The following SLC28A2 variants were observed in gnomAD, a reference collection of about 807,000 sequenced individuals.
SLC28A2 encodes the protein sodium/nucleoside cotransporter 2.
Under a neutral mutation model 72.9 loss-of-function variants are expected in SLC28A2, and 69 were observed. That is an observed-to-expected ratio of 0.95 (90% CI 0.78 to 1.16). The LOEUF is 1.16. Among genes scored for constraint, SLC28A2 ranks in the 50% most tolerant of loss-of-function variants. The pLI is 0.00. For missense variants in SLC28A2, 745 were observed against 791.1 expected, an observed-to-expected ratio of 0.94 and a Z score of 0.70; for synonymous variants, 296 against 294.1, an observed-to-expected ratio of 1.01 and a Z score of -0.07.
intron 3 of SLC28A2, among the ~76,000 whole-genome samples, chr15:45,254,311 G>A (rs577079223): frequency 4.6e-5 from 7 of 152,224 alleles, no homozygotes; most frequent in East Asian, 3.9e-4. Context: ...ATGATGGACC[G>A]CATTATACAA....
In SLC28A2 at chr15:45,275,590, G is replaced by GC. The variant is rs1567064308; in HGVS notation, c.*80dup. ...GCAAAGGTGTTTATGTACTCAGGGTGCCCACAACTCACTCACCAAGATGTT... is the reference window on the plus strand; with the variant it reads ...GCAAAGGTGTTTATGTACTCAGGGTGCCCCACAACTCACTCACCAAGATGTT... On this transcript the variant is annotated 3_prime_UTR_variant, in exon 18 of 18. Transcript: ENST00000347644. The GC allele has an allele frequency of 1.2e-6, 1 of 842,300 alleles. No homozygotes were observed. Among genetic ancestry groups the GC allele is most frequent in the African/African-American group, 1.7e-5 (1 of 58,888 alleles). 52.2% of individuals were successfully genotyped at this position (842,300 alleles called of 1,614,324 possible).
At chr15:45,263,732 G>C (rs1414441916) in intron 5 of SLC28A2, 149 bp from the exon 6 acceptor site, 5 of 640,726 alleles carry the variant, frequency 7.8e-6, no homozygotes, top group Non-Finnish European at 1.3e-5. Flanking sequence ...ATTCTGAACT[G>C]GCGTCTACAG....
rs1307481074 is a variant in SLC28A2 at position 45,267,565 on chromosome 15, C to G, written c.1053C>G (p.Ala351=). ...FATISGTVLG[A]FIAFGVDASS... ...CCATTTCTGGCACTGTGCTGGGAGC[C>G]TTCATAGCCTTTGGGGTAGGCATAG... The change falls in exon 11 of 18, where the codon GCC becomes GCG. Residue 351 remains alanine (A), a synonymous_variant. Coordinates refer to ENST00000347644, the MANE Select transcript of SLC28A2 (RefSeq NM_004212.4). The G allele has an allele frequency of 6.2e-7, 1 of 1,613,992 alleles. No individual in the cohort carries two copies. The highest frequency in any genetic ancestry group is 8.5e-7 in the Non-Finnish European group (1 of 1,180,024).
rs866980004 is a variant in SLC28A2, at chr15:45,272,305, A to G, written c.1659A>G (p.Val553=). 1.9e-6 allele frequency: 3 copies of G among 1,613,508 alleles called. No homozygotes were observed. Among genetic ancestry groups the G allele is most frequent in the Middle Eastern group, 3.3e-4 (2 of 6,062 alleles). The part of the protein sequence containing the change: ...GITLGGLTSI[V]PHRKSDLSKV... ...TTTTATTGTCTGCAGCATCAATAGTACCTCACCGGAAGAGTGACTTGTCCA... is the reference window on the plus strand; with the variant it reads ...TTTTATTGTCTGCAGCATCAATAGTGCCTCACCGGAAGAGTGACTTGTCCA... The change falls in exon 16 of 18, where the codon GTA becomes GTG. Residue 553 remains valine, a synonymous_variant. Coordinates refer to ENST00000347644, the MANE Select transcript of SLC28A2 (RefSeq NM_004212.4).
intron 17 of SLC28A2, among the ~76,000 whole-genome samples, chr15:45,274,817 C>T (rs1205963776): frequency 1.3e-5 from 2 of 151,688 alleles, no homozygotes; most frequent in Admixed American, 1.3e-4. Flanking sequence ...CAATCTTGGC[C>T]CAGGCTCAAG....
Position 45,268,249 on chromosome 15 carries a change from C to T in SLC28A2, c.1239C>T (p.Ala413=), listed in dbSNP as rs369804551. ...TCCTGGAAGCTGCCAGCAACGGAGC[C>T]GTAGATGCCATAGGCCTTGCTACTA... The part of the protein sequence containing the change: ...RNVLEAASNG[A]VDAIGLATNV... Residue 413 remains alanine, a synonymous_variant, in exon 13 of 18, where the codon GCC becomes GCT. Transcript: ENST00000347644. 101 of 1,610,522 alleles carry T rather than the reference C, an allele frequency of 6.3e-5. No homozygotes were observed. The East Asian group carries it at 2.0e-3, about 32-fold the overall frequency.
Position 45,268,242 on chromosome 15 carries a change from A to G in SLC28A2, c.1232A>G (p.Asn411Ser). Reference protein sequence around the residue: ...KERNVLEAASNGAVDAIGLAT... With the variant: ...KERNVLEAASSGAVDAIGLAT... ...AGGAATGTCCTGGAAGCTGCCAGCA[A>G]CGGAGCCGTAGATGCCATAGGCCTT... The change falls in exon 13 of 18, where the codon AAC (asparagine) becomes AGC (serine). Residue 411 changes from asparagine to serine, a missense_variant. Physicochemically the swap from Asn to Ser is conservative, Grantham distance 46 (BLOSUM62 1). Transcript: ENST00000347644. 1.2e-6 allele frequency: 2 copies of G among 1,609,454 alleles called. No individual in the cohort carries two copies. Among genetic ancestry groups the G allele is most frequent in the South Asian group, 1.1e-5 (1 of 90,972 alleles).
In SLC28A2 at chr15:45,263,164, T is replaced by G. The variant is rs1325645639; in HGVS notation, c.366T>G (p.Phe122Leu). The change falls in exon 5 of 18, where the codon TTT becomes TTG. Residue 122 changes from phenylalanine (F) to leucine (L), a missense_variant. Physicochemically the swap from Phe to Leu is conservative, Grantham distance 22 (BLOSUM62 0). Transcript: ENST00000347644. Reference protein sequence around the residue: ...CLVIFVLVHSFLKKLLGKKLT... With the variant: ...CLVIFVLVHSLLKKLLGKKLT... ...TGATCTTTGTCCTGGTTCACTCGTT[T>G]TTGAAAAAGCTCCTGGGCAAAAAAT... is the stretch of plus-strand genomic sequence containing the variant. 1 of 1,614,114 alleles carries G rather than the reference T, an allele frequency of 6.2e-7. No individual in the cohort carries two copies.
chr15:45,265,766 G>A, intron 9 of SLC28A2, 103 bp downstream of exon 9: 1 of 841,370 alleles, frequency 1.2e-6, no homozygotes, highest in Non-Finnish European at 2.0e-6. Flanking sequence ...TAGAAACAAT[G>A]GGAAAAGGCA....
In SLC28A2 at chr15:45,272,384, T is replaced by A; in HGVS notation, c.1738T>A (p.Cys580Ser). 1 of 1,613,128 alleles carries A rather than the reference T, an allele frequency of 6.2e-7. No homozygotes were observed. Among genetic ancestry groups the A allele is most frequent in the Non-Finnish European group, 8.5e-7 (1 of 1,179,274 alleles). ...TGACVSLISA[C>S]MAGILYVPRG... is the part of the protein sequence containing the mutation. ...GGCCTGTGTATCCCTTATCAGTGCC[T>A]GTATGGCAGGTAGGTGCCTCAGCTC... The change falls in exon 16 of 18, where the codon TGT becomes AGT. Residue 580 changes from cysteine (C) to serine (S), a missense_variant. Cys to Ser is a moderately radical substitution (Grantham distance 112). Coordinates refer to ENST00000347644, the MANE Select transcript of SLC28A2 (RefSeq NM_004212.4).
chr15:45,268,331 C>T lies in SLC28A2; in HGVS notation c.1321C>T (p.Leu441Phe). The change falls in exon 13 of 18, where the codon CTC (leucine) becomes TTC (phenylalanine). Residue 441 changes from leucine to phenylalanine, a missense_variant. Coordinates refer to ENST00000347644, the MANE Select transcript of SLC28A2 (RefSeq NM_004212.4). ...TGTGTTGGCCTTCATCAATGCTGCC[C>T]TCTCCTGGCTGGGGGAATTGGTGGA... ...LAVLAFINAA[L>F]SWLGELVDIQ... 1 of 1,608,104 alleles carries T rather than the reference C, an allele frequency of 6.2e-7. No homozygotes were observed.
intron 5 of SLC28A2, 34 bp downstream of exon 5, chr15:45,263,278 C>T (rs965767056): frequency 1.9e-6 from 3 of 1,597,338 alleles, no homozygotes; most frequent in Non-Finnish European, 8.5e-7. Context: ...GGCCTCACAG[C>T]TTATCCCAGC....
At position 45,269,535 on chromosome 15, in the gene SLC28A2, TGTAA is replaced by T; in HGVS notation, c.1566+3_1566+6del. On this transcript the variant is annotated splice_donor_variant and splice_donor_region_variant and intron_variant, in intron 14 of 17. Coordinates refer to ENST00000347644, the MANE Select transcript of SLC28A2 (RefSeq NM_004212.4). LOFTEE classifies it high-confidence loss of function. ...TTGAGGGAGAGAAACAGTGGATTTC[TGTAA>T]GTGACAATCCAAAAAGCATAAACAC... The T allele has an allele frequency of 6.2e-7, 1 of 1,612,682 alleles. No homozygotes were observed. Among genetic ancestry groups the T allele is most frequent in the Middle Eastern group, 1.7e-4 (1 of 6,060 alleles).
At chr15:45,264,833 A>G (rs571979155) in intron 7 of SLC28A2, 65 bp downstream of exon 7, 4 of 1,006,094 alleles carry the variant, frequency 4.0e-6, no homozygotes, top group Non-Finnish European at 6.4e-6. Context: ...ATTTGAGAGG[A>G]GCATGAGAAG....
chr15:45,265,198 T>A lies in SLC28A2; in HGVS notation c.780+32T>A, dbSNP rs768607276. 3.0e-6 allele frequency: 4 copies of A among 1,345,586 alleles called. No individual in the cohort carries two copies. In the Admixed American group the frequency reaches 6.7e-5, roughly 23 times the overall value. The allele number at this position is 1,345,586 out of a possible 1,614,324, so 83.4% of individuals were successfully genotyped here. ...CCTATTTTATGGGCAGGAATGATGG[T>A]CTATGGAGGGGTAGAGGAATAAAGC... On this transcript the variant is annotated intron_variant, in intron 8 of 17. Transcript: ENST00000347644.
intron 17 of SLC28A2, among the ~76,000 whole-genome samples, chr15:45,274,877 T>A (rs1900701813): frequency 6.6e-6 from 1 of 151,988 alleles, no homozygotes; most frequent in African/African-American, 2.4e-5. Flanking sequence ...AGGCCAGGCA[T>A]GTGTCACCAT....
intron 5 of SLC28A2, 116 bp downstream of exon 5, chr15:45,263,360 A>C: frequency 2.1e-6 from 2 of 967,426 alleles, no homozygotes; most frequent in Non-Finnish European, 3.0e-6. Flanking sequence ...TTCAGAACCA[A>C]AGCGCAGAGA....
chr15:45,265,796 G>C (rs915002383), intron 9 of SLC28A2, 133 bp downstream of exon 9: 4 of 714,790 alleles, frequency 5.6e-6, no homozygotes, highest in Non-Finnish European at 1.0e-5. Context: ...AAGCATGCCT[G>C]ATAGCAAACT....
rs761230530 is a variant in SLC28A2 at position 45,253,244 on chromosome 15, T to C, written c.29T>C (p.Ile10Thr). 4 of 1,613,634 alleles carry C rather than the reference T, an allele frequency of 2.5e-6. No individual in the cohort carries two copies. The highest frequency in any genetic ancestry group is 3.4e-6 in the Non-Finnish European group (4 of 1,179,606). The change falls in exon 2 of 18, where the codon ATT (isoleucine) becomes ACT (threonine). Residue 10 changes from isoleucine (I) to threonine (T), a missense_variant. Ile to Thr is a moderately conservative substitution (Grantham distance 89). Coordinates refer to ENST00000347644, the MANE Select transcript of SLC28A2 (RefSeq NM_004212.4). The part of the protein sequence containing the change: MEKASGRQS[I>T]ALSTVETGTV... ...GAGAAAGCAAGTGGAAGACAGTCCA[T>C]TGCTCTGTCCACAGTGGAGACTGGC...
Sources: gnomAD v4.1 joint callset for allele counts (sites outside exome capture counted in the v4.1 genomes callset) on GRCh38, gnomAD v4.1.1 for gene constraint, MANE v1.5 for transcripts, NCBI Gene and HGNC (gene_info 2026-07-23, HGNC 2026-07-21) for gene names.